PDZD2: variants seen among roughly 807,000 people sequenced by gnomAD.
PDZD2 encodes PDZ domain-containing protein 2.
A neutral mutation model predicts 220.7 loss-of-function variants in PDZD2; 90 were observed. The ratio of observed to expected loss-of-function variants is 0.41; its 90% CI spans 0.34 to 0.49. The LOEUF is 0.49. Among genes scored for constraint, PDZD2 ranks in the 20% least tolerant of loss-of-function variants. The pLI is 0.28. For synonymous variants in PDZD2, 1,375 were observed against 1,450.5 expected, an observed-to-expected ratio of 0.95 and a Z score of 1.18; for missense variants, 3,174 against 3,608.5, an observed-to-expected ratio of 0.88 and a Z score of 3.08.
At chr5:32,024,681 T>TAAAAAA (rs377545497) in intron 6 of PDZD2, among the ~76,000 whole-genome samples, 1 of 132,468 alleles carries the variant, frequency 7.5e-6, no homozygotes, top group South Asian at 2.5e-4. Context: ...AGACTTCATC[T>TAAAAAA]CAAAAAAAAA....
intron 2 of PDZD2, among the ~76,000 whole-genome samples, chr5:31,884,721 G>C (rs980253160): frequency 6.6e-6 from 1 of 152,094 alleles, no homozygotes; most frequent in African/African-American, 2.4e-5. Flanking sequence ...GTCAAGTACT[G>C]GGACTACAAG....
intron 1 of PDZD2, among the ~76,000 whole-genome samples, chr5:31,789,772 GC>G (rs1347726809): frequency 7.2e-5 from 11 of 152,080 alleles, no homozygotes; most frequent in African/African-American, 2.7e-4. Context: ...TACAAAACTA[GC>G]CGGGTGTGGT....
At chr5:31,716,012 C>A (rs560447270) in intron 1 of PDZD2, among the ~76,000 whole-genome samples, 1 of 152,290 alleles carries the variant, frequency 6.6e-6, no homozygotes, top group African/African-American at 2.4e-5. Flanking sequence ...TCTGCTATTT[C>A]TTTGCTCTTC....
intron 1 of PDZD2, among the ~76,000 whole-genome samples, chr5:31,717,045 C>T (rs1019856142): frequency 6.6e-6 from 1 of 152,088 alleles, no homozygotes; most frequent in African/African-American, 2.4e-5. Context: ...TAAGAATTGG[C>T]TAGCTCTAGA....
At chr5:32,032,455 C>G (rs1399985618) in intron 6 of PDZD2, among the ~76,000 whole-genome samples, 1 of 152,232 alleles carries the variant, frequency 6.6e-6, no homozygotes, top group African/African-American at 2.4e-5. Flanking sequence ...TTCATGCCCA[C>G]TTCCAGAGGT....
At chr5:32,008,201 C>T (rs1036249168) in intron 5 of PDZD2, among the ~76,000 whole-genome samples, 2 of 150,618 alleles carry the variant, frequency 1.3e-5, no homozygotes, top group African/African-American at 4.9e-5. Context: ...TTTTTGTTGA[C>T]CTTTAAAAGT....
intron 1 of PDZD2, chr5:31,742,305 G>A (rs189549613): frequency 6.6e-6 from 1 of 152,232 alleles, no homozygotes; most frequent in East Asian, 1.9e-4. Context: ...GCTTGATGTG[G>A]ATGGTTTTGT....
At chr5:31,955,296 T>TG (rs1419154621) in intron 2 of PDZD2, among the ~76,000 whole-genome samples, 2 of 151,892 alleles carry the variant, frequency 1.3e-5, no homozygotes, top group African/African-American at 4.8e-5. Context: ...TGGGTTTTTT[T>TG]TTTTGTTTTG....
chr5:32,090,934 C>G lies in PDZD2; in HGVS notation c.7486C>G (p.Leu2496Val), dbSNP rs756760984. 15 of 1,613,876 alleles carry G rather than the reference C, an allele frequency of 9.3e-6. No individual in the cohort carries two copies. The South Asian group carries it at 1.6e-4, about 18-fold the overall frequency. Reference sequence around the variant, plus strand: ...CTTGAGCATGCCTGACCTTGACAAGCTCTGCAGCGAGGATTACTCAGCAGG... The same window carrying G: ...CTTGAGCATGCCTGACCTTGACAAGGTCTGCAGCGAGGATTACTCAGCAGG... ...RALSMPDLDK[L>V]CSEDYSAGPS... Residue 2496 changes from leucine to valine, a missense_variant, in exon 20 of 25, where the codon CTC becomes GTC. Physicochemically the swap from Leu to Val is conservative, Grantham distance 32. Transcript: ENST00000438447. The surrounding 1 kb of genome is among the most constrained non-coding windows in gnomAD (Gnocchi z 4.3).
At chr5:31,662,402 C>T (rs950725867) in intron 1 of PDZD2, among the ~76,000 whole-genome samples, 2 of 152,216 alleles carry the variant, frequency 1.3e-5, no homozygotes, top group African/African-American at 4.8e-5. Context: ...CCAGAATCCA[C>T]ATGCTGCCTG....
At chr5:32,039,381 G>A (rs1755837033) in intron 7 of PDZD2, among the ~76,000 whole-genome samples, 1 of 151,848 alleles carries the variant, frequency 6.6e-6, no homozygotes, top group Non-Finnish European at 1.5e-5. Context: ...TGCTGGGATT[G>A]CAGACGGAGT....
At chr5:31,737,825 T>A (rs1202013085) in intron 1 of PDZD2, among the ~76,000 whole-genome samples, 3 of 152,220 alleles carry the variant, frequency 2.0e-5, no homozygotes, top group Non-Finnish European at 4.4e-5. Context: ...TAAGCACTTG[T>A]TCCGGGCTCT....
At chr5:31,947,914 C>T (rs557229946) in intron 2 of PDZD2, among the ~76,000 whole-genome samples, 8 of 152,032 alleles carry the variant, frequency 5.3e-5, no homozygotes, top group African/African-American at 1.9e-4. Context: ...GCCAAGCGAA[C>T]AATGTATGTG....
intron 2 of PDZD2, among the ~76,000 whole-genome samples, chr5:31,885,214 A>C (rs1194175548): frequency 6.7e-6 from 1 of 149,998 alleles, no homozygotes; most frequent in East Asian, 1.9e-4. Flanking sequence ...TAATCAGAGA[A>C]ATGCCAATCA....
chr5:31,706,703 G>T (rs145292379), intron 1 of PDZD2, among the ~76,000 whole-genome samples: 1,994 of 152,130 alleles, frequency 0.013, 38 homozygotes, highest in African/African-American at 0.046. Context: ...AATTAGCTGG[G>T]TGTGATGGCG....
chr5:32,110,640 G>A lies in PDZD2; in HGVS notation c.*2505G>A, dbSNP rs953531643. On this transcript the variant is annotated 3_prime_UTR_variant, in exon 25 of 25. Transcript: ENST00000438447. ...TATGTGTTATAACAAGTAAACCGTAGTTGCAAGAATATACCATGAAGATTA... is the reference window on the plus strand; with the variant it reads ...TATGTGTTATAACAAGTAAACCGTAATTGCAAGAATATACCATGAAGATTA... 1.3e-5 allele frequency: 2 copies of A among 152,550 alleles called. No homozygotes were observed. The highest frequency in any genetic ancestry group is 4.8e-5 in the African/African-American group (2 of 41,424). 9.4% of individuals were successfully genotyped at this position (152,550 alleles called of 1,614,324 possible).
At chr5:31,854,707 C>G (rs1382568495) in intron 2 of PDZD2, among the ~76,000 whole-genome samples, 1 of 152,026 alleles carries the variant, frequency 6.6e-6, no homozygotes, top group Non-Finnish European at 1.5e-5. Flanking sequence ...CCTGAGCCCT[C>G]GGTGTAAACA....
intron 1 of PDZD2, among the ~76,000 whole-genome samples, chr5:31,783,308 A>C (rs1478645559): frequency 6.6e-6 from 1 of 151,976 alleles, no homozygotes; most frequent in Admixed American, 6.6e-5. Flanking sequence ...CTTGGGTGGA[A>C]GGTGTCATGG....
At chr5:31,669,401 CAAA>C (rs34910299) in intron 1 of PDZD2, among the ~76,000 whole-genome samples, 16,883 of 109,608 alleles carry the variant, frequency 0.15, 962 homozygotes, top group Admixed American at 0.18. Flanking sequence ...GACCCTGTCT[CAAA>C]AAAAAAAAAA....
Sources: allele counts gnomAD v4.1 joint callset (sites outside exome capture counted in the v4.1 genomes callset), GRCh38; gene constraint gnomAD v4.1.1; non-coding constraint Gnocchi (gnomAD v3.1); transcripts MANE v1.5; gene names NCBI Gene and HGNC (gene_info 2026-07-23, HGNC 2026-07-21).